The following ZHX2 variants were observed in gnomAD, a reference collection of about 807,000 sequenced individuals.
ZHX2 encodes the protein zinc fingers and homeoboxes protein 2.
A neutral mutation model predicts 21.9 loss-of-function variants in ZHX2; 6 were observed. The ratio of observed to expected loss-of-function variants is 0.27; its 90% CI spans 0.15 to 0.54. The LOEUF (loss-of-function observed/expected upper bound fraction) is 0.54, where lower values mean the gene tolerates loss of function less well. Among genes scored for constraint, ZHX2 ranks in the 20% least tolerant of loss-of-function variants. The pLI is 0.95. For missense variants in ZHX2, 908 were observed against 1,090.7 expected, an observed-to-expected ratio of 0.83 and a Z score of 2.36; for synonymous variants, 434 against 437.1, an observed-to-expected ratio of 0.99 and a Z score of 0.09.
At chr8:122,886,390 G>A (rs548644940) in intron 2 of ZHX2, among the ~76,000 whole-genome samples, 1 of 152,316 alleles carries the variant, frequency 6.6e-6, no homozygotes, top group Non-Finnish European at 1.5e-5. Context: ...ATACTGTCAT[G>A]GTAGATACAG....
chr8:122,827,976 T>C (rs968763848), intron 1 of ZHX2, among the ~76,000 whole-genome samples: 3 of 152,142 alleles, frequency 2.0e-5, no homozygotes, highest in African/African-American at 7.2e-5. Flanking sequence ...TAGTTGGACA[T>C]GTTGGTGCAC....
At chr8:122,822,465 G>A (rs1818173678) in intron 1 of ZHX2, among the ~76,000 whole-genome samples, 1 of 152,222 alleles carries the variant, frequency 6.6e-6, no homozygotes, top group Non-Finnish European at 1.5e-5. Flanking sequence ...TAGGAGGCAT[G>A]CTCGTAAAAG....
chr8:122,878,364 C>T (rs1177419682), intron 2 of ZHX2, among the ~76,000 whole-genome samples: 1 of 152,100 alleles, frequency 6.6e-6, no homozygotes, highest in Non-Finnish European at 1.5e-5. Flanking sequence ...TTGGGTTGGG[C>T]CTGCTCACAT....
At chr8:122,934,849 T>C (rs1458535761) in intron 2 of ZHX2, among the ~76,000 whole-genome samples, 1 of 152,056 alleles carries the variant, frequency 6.6e-6, no homozygotes. Context: ...CCACCATGCC[T>C]GGCTAATTTT....
chr8:122,953,221 A>G lies in ZHX2; in HGVS notation c.1711A>G (p.Arg571Gly). Residue 571 changes from arginine to glycine, a missense_variant, in exon 3 of 4, where the codon AGA becomes GGA. This residue lies in a region of ZHX2 where 431 missense variants were observed against 428.6 expected (regional missense o/e 1.01). Coordinates refer to ENST00000314393, the MANE Select transcript of ZHX2 (RefSeq NM_014943.5). This position sits in a 1 kb window ranked among gnomAD's most constrained non-coding sequence, Gnocchi z 4.6. Reference protein sequence around the residue: ...RLRVETKLSRREIDSWFSERR... With the variant: ...RLRVETKLSRGEIDSWFSERR... ...AAGGGTGGAGACCAAGCTGAGCAGG[A>G]GAGAGATCGACTCCTGGTTCTCGGA... is the stretch of plus-strand genomic sequence containing the variant. 1 of 1,613,914 alleles carries G rather than the reference A, an allele frequency of 6.2e-7. No individual in the cohort carries two copies. The highest frequency in any genetic ancestry group is 8.5e-7 in the Non-Finnish European group (1 of 1,179,984).
At chr8:122,896,587 C>T (rs1048884537) in intron 2 of ZHX2, among the ~76,000 whole-genome samples, 6 of 152,202 alleles carry the variant, frequency 3.9e-5, no homozygotes, top group African/African-American at 1.2e-4. Context: ...TGCTAAGGCT[C>T]CAGCCATGAG....
intron 2 of ZHX2, among the ~76,000 whole-genome samples, chr8:122,942,146 A>G (rs189098127): frequency 6.6e-6 from 1 of 152,160 alleles, no homozygotes; most frequent in Non-Finnish European, 1.5e-5. Context: ...GCTTTGCAGC[A>G]TCTAATTCCT....
intron 2 of ZHX2, among the ~76,000 whole-genome samples, chr8:122,890,180 A>T (rs1398609502): frequency 6.6e-6 from 1 of 152,142 alleles, no homozygotes; most frequent in Non-Finnish European, 1.5e-5. Flanking sequence ...GTGCGTGGAT[A>T]TTCAGTTTTC....
At chr8:122,931,907 G>C (rs145862694) in intron 2 of ZHX2, among the ~76,000 whole-genome samples, 7 of 152,322 alleles carry the variant, frequency 4.6e-5, no homozygotes, top group Non-Finnish European at 1.0e-4. Flanking sequence ...GATCGGGGTG[G>C]TCATAGTGGA....
At chr8:122,827,083 C>T (rs1042759456) in intron 1 of ZHX2, among the ~76,000 whole-genome samples, 1 of 152,148 alleles carries the variant, frequency 6.6e-6, no homozygotes, top group African/African-American at 2.4e-5. Flanking sequence ...GGCAGTGGCT[C>T]TATCTCGGCT....
chr8:122,831,096 T>C (rs1273664099), intron 1 of ZHX2, among the ~76,000 whole-genome samples: 1 of 152,246 alleles, frequency 6.6e-6, no homozygotes, highest in Non-Finnish European at 1.5e-5. Flanking sequence ...CAGGGAATTA[T>C]ATGCATAAGA....
intron 2 of ZHX2, among the ~76,000 whole-genome samples, chr8:122,943,582 A>G (rs1268962490): frequency 6.6e-6 from 1 of 152,222 alleles, no homozygotes; most frequent in African/African-American, 2.4e-5. Context: ...CAGCCATTCC[A>G]TGGTAGGGAA....
chr8:122,822,478 G>A (rs1287889368), intron 1 of ZHX2, among the ~76,000 whole-genome samples: 1 of 152,182 alleles, frequency 6.6e-6, no homozygotes, highest in Admixed American at 6.5e-5. Context: ...CGTAAAAGGA[G>A]GCCTGATGTG....
chr8:122,825,483 A>G (rs1818243616), intron 1 of ZHX2, among the ~76,000 whole-genome samples: 1 of 152,054 alleles, frequency 6.6e-6, no homozygotes, highest in South Asian at 2.1e-4. Context: ...AATGATCTTA[A>G]ACCGCCTCCC....
Position 122,829,582 on chromosome 8 carries a change from A to G in ZHX2, c.-282-33895A>G, listed in dbSNP as rs139035808. On this transcript the variant is annotated intron_variant, in intron 1 of 3. Coordinates refer to ENST00000314393, the MANE Select transcript of ZHX2 (RefSeq NM_014943.5). ...ACCTCATTGTAAGAGTTGGGGAAAA[A>G]CATATTTCTATTTGAGCACTGTTAG... Among the ~76,000 whole-genome samples, 977 of 152,350 alleles carry G rather than the reference A, an allele frequency of 6.4e-3. 6 individuals carry two copies. Among genetic ancestry groups the G allele is most frequent in the Middle Eastern group, 0.014 (4 of 294 alleles).
At chr8:122,800,358 G>A (rs1817693797) in intron 1 of ZHX2, among the ~76,000 whole-genome samples, 1 of 152,184 alleles carries the variant, frequency 6.6e-6, no homozygotes, top group African/African-American at 2.4e-5. Flanking sequence ...TCAGAGTAAT[G>A]GTTGTCCCTA....
chr8:122,832,242 A>G (rs1338401075), intron 1 of ZHX2, among the ~76,000 whole-genome samples: 4 of 152,198 alleles, frequency 2.6e-5, no homozygotes, highest in Non-Finnish European at 4.4e-5. Flanking sequence ...TGGGGCAGAG[A>G]TGAGACTTAG....
At chr8:122,933,094 G>A (rs954492496) in intron 2 of ZHX2, among the ~76,000 whole-genome samples, 2 of 152,118 alleles carry the variant, frequency 1.3e-5, no homozygotes, top group African/African-American at 4.8e-5. Flanking sequence ...GGGATGGAGG[G>A]TAGAATGGAG....
At chr8:122,878,503 A>G (rs1243863739) in intron 2 of ZHX2, among the ~76,000 whole-genome samples, 1 of 152,190 alleles carries the variant, frequency 6.6e-6, no homozygotes, top group Non-Finnish European at 1.5e-5. Flanking sequence ...AAAGCTTCGC[A>G]CATCATTCAT....
Sources: gnomAD v4.1 joint callset for allele counts (sites outside exome capture counted in the v4.1 genomes callset) on GRCh38, gnomAD v4.1.1 for gene constraint, gnomAD v4.1.1 regional missense constraint, Gnocchi (gnomAD v3.1) non-coding constraint, MANE v1.5 for transcripts, NCBI Gene and HGNC (gene_info 2026-07-23, HGNC 2026-07-21) for gene names.